Variants in RXFP1 observed in about 807,000 individuals in gnomAD.
The protein encoded by RXFP1 is relaxin family peptide receptor 1, also known as relaxin receptor 1.
In RXFP1, 73 loss-of-function variants were observed where a neutral mutation model predicts 89.8. The observed-to-expected ratio is 0.81, with a 90% CI of 0.67 to 0.99. RXFP1 has a LOEUF of 0.99. Among genes scored for constraint, RXFP1 ranks in the 50% least tolerant of loss-of-function variants. The probability of loss-of-function intolerance (pLI) is 0.00; values close to 1 mark genes in which losing one functional copy is unlikely to be tolerated. For synonymous variants in RXFP1, 277 were observed against 305.5 expected, an observed-to-expected ratio of 0.91 and a Z score of 0.97; for missense variants, 793 against 895.5, an observed-to-expected ratio of 0.89 and a Z score of 1.46.
chr4:158,527,564 A>ATATATATATATATATATATAT (rs1553989393), intron 1 of RXFP1, among the ~76,000 whole-genome samples: 103 of 98,308 alleles, frequency 1.0e-3, no homozygotes, highest in African/African-American at 3.5e-3. Flanking sequence ...AAAAAAAAAA[A>ATATATATATATATATATATAT]ATATATATAT....
chr4:158,569,953 GT>G (rs1754686814), intron 1 of RXFP1, among the ~76,000 whole-genome samples: 1 of 152,146 alleles, frequency 6.6e-6, no homozygotes, highest in South Asian at 2.1e-4. Context: ...AGTATTGATA[GT>G]TTTAAAGTTC....
intron 1 of RXFP1, among the ~76,000 whole-genome samples, chr4:158,529,878 A>G (rs1743595172): frequency 1.3e-5 from 2 of 152,220 alleles, no homozygotes; most frequent in Admixed American, 1.3e-4. Flanking sequence ...TTTCCCTAAT[A>G]AATACTTCCT....
intron 11 of RXFP1, among the ~76,000 whole-genome samples, chr4:158,633,092 C>T (rs1264864533): frequency 2.0e-5 from 3 of 152,030 alleles, no homozygotes; most frequent in Non-Finnish European, 4.4e-5. Flanking sequence ...ATCACTTGAA[C>T]CCGGGAGACA....
intron 1 of RXFP1, among the ~76,000 whole-genome samples, chr4:158,571,923 A>G (rs1417025507): frequency 6.6e-6 from 1 of 152,208 alleles, no homozygotes; most frequent in Non-Finnish European, 1.5e-5. Flanking sequence ...CTGGCCAGGT[A>G]AAGCCATGTG....
At chr4:158,601,053 G>A (rs567701732) in intron 4 of RXFP1, among the ~76,000 whole-genome samples, 1 of 151,862 alleles carries the variant, frequency 6.6e-6, no homozygotes, top group South Asian at 2.1e-4. Context: ...GAATGGAGGG[G>A]AATAAGGCAA....
chr4:158,607,242 A>T (rs1212313523), intron 5 of RXFP1: 2 of 753,818 alleles, frequency 2.7e-6, no homozygotes, highest in African/African-American at 3.4e-5. Context: ...TATTTTCAGT[A>T]TTACTTTAGT....
intron 15 of RXFP1, chr4:158,646,460 C>G (rs918028418): frequency 8.1e-7 from 1 of 1,232,796 alleles, no homozygotes; most frequent in Non-Finnish European, 1.0e-6. Context: ...GAATGCTCTA[C>G]GTGATTGCAT....
chr4:158,549,115 C>T (rs1022481129), intron 1 of RXFP1, among the ~76,000 whole-genome samples: 9 of 151,850 alleles, frequency 5.9e-5, no homozygotes, highest in African/African-American at 9.7e-5. Flanking sequence ...GGTCTTTTCA[C>T]ATAGTCCCAT....
chr4:158,533,454 C>T (rs754090809), intron 1 of RXFP1, among the ~76,000 whole-genome samples: 3 of 152,146 alleles, frequency 2.0e-5, no homozygotes, highest in Non-Finnish European at 4.4e-5. Flanking sequence ...TAACGAAATA[C>T]CTTAGTAAGA....
chr4:158,589,562 C>G (rs1477949591), intron 2 of RXFP1, among the ~76,000 whole-genome samples: 58 of 152,122 alleles, frequency 3.8e-4, no homozygotes. Flanking sequence ...ACTTATTTAC[C>G]TCAAGTAAAG....
chr4:158,643,531 T>C (rs6846141), intron 14 of RXFP1, among the ~76,000 whole-genome samples: 131,991 of 146,248 alleles, frequency 0.9, 61,104 homozygotes, highest in East Asian at 1. Context: ...AGTGCAGTGG[T>C]GCAATCTCGG....
chr4:158,542,109 A>ATATATATATATATTTTTTT, intron 1 of RXFP1, among the ~76,000 whole-genome samples: 6 of 35,232 alleles, frequency 1.7e-4, no homozygotes, highest in Non-Finnish European at 2.2e-4. Flanking sequence ...ATATATATAT[A>ATATATATATATATTTTTTT]TTTTTTTTTT....
chr4:158,584,629 C>T (rs1757960154), intron 2 of RXFP1, among the ~76,000 whole-genome samples: 1 of 152,056 alleles, frequency 6.6e-6, no homozygotes, highest in Non-Finnish European at 1.5e-5. Context: ...GACATAAGTC[C>T]CTCAACCAAA....
intron 1 of RXFP1, among the ~76,000 whole-genome samples, chr4:158,547,332 T>A (rs1177421238): frequency 6.6e-6 from 1 of 152,198 alleles, no homozygotes; most frequent in Non-Finnish European, 1.5e-5. Context: ...TATTTGATTC[T>A]TCTGTCTTTT....
intron 2 of RXFP1, among the ~76,000 whole-genome samples, chr4:158,588,007 A>C (rs11930121): frequency 0.029 from 4,460 of 152,218 alleles, 200 homozygotes; most frequent in African/African-American, 0.099. Context: ...AAGGTCAAAA[A>C]ACTCTGCAAA....
At chr4:158,572,525 G>C (rs1432546480) in intron 1 of RXFP1, among the ~76,000 whole-genome samples, 173 bp from the exon 2 acceptor site, 2 of 152,182 alleles carry the variant, frequency 1.3e-5, no homozygotes, top group Non-Finnish European at 2.9e-5. Flanking sequence ...CTGGAATCAT[G>C]GAAAGAACGT....
chr4:158,582,799 C>T (rs1337833483), intron 2 of RXFP1, among the ~76,000 whole-genome samples: 1 of 152,214 alleles, frequency 6.6e-6, no homozygotes, highest in Non-Finnish European at 1.5e-5. Context: ...GTGTGGTTTC[C>T]CCTAGATTCA....
chr4:158,594,554 T>G (rs942101126), intron 3 of RXFP1, among the ~76,000 whole-genome samples: 6 of 151,976 alleles, frequency 3.9e-5, no homozygotes, highest in Admixed American at 6.6e-5. Flanking sequence ...GCTTTGCACA[T>G]AGTGAGCACT....
At chr4:158,587,951 C>A (rs1758622357) in intron 2 of RXFP1, among the ~76,000 whole-genome samples, 1 of 152,088 alleles carries the variant, frequency 6.6e-6, no homozygotes, top group Non-Finnish European at 1.5e-5. Context: ...AAAGAATTCT[C>A]CTTATCTAAA....
Sources: gnomAD v4.1 joint callset for allele counts (sites outside exome capture counted in the v4.1 genomes callset) on GRCh38, gnomAD v4.1.1 for gene constraint, MANE v1.5 for transcripts, NCBI Gene and HGNC (gene_info 2026-07-23, HGNC 2026-07-21) for gene names.